Variants in HTR4 observed in about 807,000 individuals in gnomAD.
HTR4 encodes 5-hydroxytryptamine (serotonin) receptor 4, G protein-coupled.
HTR4 carries 16 observed loss-of-function variants against 36.8 expected under a neutral mutation model. That is an observed-to-expected ratio of 0.43 (90% confidence interval 0.29 to 0.66). The LOEUF is 0.66. Among genes scored for constraint, HTR4 ranks in the 30% least tolerant of loss-of-function variants. HTR4 has a pLI of 0.13. For synonymous variants in HTR4, 189 were observed against 185.1 expected (o/e 1.02, Z -0.17); for missense variants, 438 against 490.9 (o/e 0.89, Z 1.02).
At chr5:148,540,238 A>G (rs1438204054) in intron 4 of HTR4, among the ~76,000 whole-genome samples, 1 of 151,308 alleles carries the variant, frequency 6.6e-6, no homozygotes, top group Non-Finnish European at 1.5e-5. Context: ...GGCTGGGAGG[A>G]GGGAGAGGAG....
chr5:148,530,521 A>G (rs1758510485), intron 4 of HTR4, among the ~76,000 whole-genome samples: 1 of 152,230 alleles, frequency 6.6e-6, no homozygotes, highest in African/African-American at 2.4e-5. Context: ...CTCCACCTAG[A>G]TTACAGAGGA....
At chr5:148,573,364 A>T (rs1581494073) in intron 2 of HTR4, among the ~76,000 whole-genome samples, 1 of 151,940 alleles carries the variant, frequency 6.6e-6, no homozygotes, top group Non-Finnish European at 1.5e-5. Context: ...TTTATTTTTC[A>T]CTCACTGTAC....
chr5:148,485,333 C>G (rs1056764663), intron 6 of HTR4, among the ~76,000 whole-genome samples: 10 of 152,308 alleles, frequency 6.6e-5, no homozygotes, highest in Admixed American at 6.5e-4. Context: ...TCAGACCTTA[C>G]ATTTAAGTCA....
At chr5:148,617,925 T>C (rs372364420) in intron 2 of HTR4, among the ~76,000 whole-genome samples, 3 of 152,136 alleles carry the variant, frequency 2.0e-5, no homozygotes, top group Non-Finnish European at 4.4e-5. Flanking sequence ...GAATGCATAG[T>C]GGAAGTCACA....
At chr5:148,540,262 T>G (rs768813822) in intron 4 of HTR4, among the ~76,000 whole-genome samples, 6 of 151,168 alleles carry the variant, frequency 4.0e-5, no homozygotes, top group Admixed American at 6.6e-5. Context: ...AAAATCATAT[T>G]AGGTACTGGG....
intron 4 of HTR4, among the ~76,000 whole-genome samples, chr5:148,538,131 A>G (rs1758922463): frequency 6.6e-6 from 1 of 152,150 alleles, no homozygotes; most frequent in African/African-American, 2.4e-5. Flanking sequence ...GACAAAAACC[A>G]CATGATAATC....
At chr5:148,563,387 C>T (rs1760301114) in intron 2 of HTR4, among the ~76,000 whole-genome samples, 2 of 152,202 alleles carry the variant, frequency 1.3e-5, no homozygotes, top group African/African-American at 4.8e-5. Context: ...AGAACCTCCC[C>T]TCACTCTCTA....
intron 6 of HTR4, among the ~76,000 whole-genome samples, chr5:148,504,589 G>A (rs1298790644): frequency 1.3e-5 from 2 of 152,012 alleles, no homozygotes; most frequent in Non-Finnish European, 2.9e-5. Flanking sequence ...AAGAACTAGA[G>A]CAGCAAGAGC....
intron 6 of HTR4, among the ~76,000 whole-genome samples, chr5:148,494,628 TAAC>T (rs1380187571): frequency 6.6e-6 from 1 of 152,258 alleles, no homozygotes; most frequent in Non-Finnish European, 1.5e-5. Flanking sequence ...GCGTTGCTGA[TAAC>T]AAGAGTTAGT....
intron 3 of HTR4, 74 bp downstream of exon 3, chr5:148,550,063 A>G (rs1561613337): frequency 2.1e-6 from 3 of 1,455,570 alleles, no homozygotes; most frequent in Non-Finnish European, 2.8e-6. Flanking sequence ...TCTAATAGAA[A>G]TGTTCACACC....
At chr5:148,619,327 G>A (rs1173324184) in intron 2 of HTR4, among the ~76,000 whole-genome samples, 2 of 151,964 alleles carry the variant, frequency 1.3e-5, no homozygotes, top group East Asian at 3.8e-4. Context: ...AATGATGCTT[G>A]CAAGAAAAAA....
At chr5:148,648,138 T>C (rs1421546209) in intron 1 of HTR4, among the ~76,000 whole-genome samples, 1 of 152,170 alleles carries the variant, frequency 6.6e-6, no homozygotes, top group Non-Finnish European at 1.5e-5. Context: ...TTTCAACTTT[T>C]CCCTTAAGTA....
Position 148,579,408 on chromosome 5 carries a change from CA to C in HTR4, c.27-29147del, listed in dbSNP as rs970523976. On this transcript the variant is annotated intron_variant, in intron 2 of 6. Coordinates refer to ENST00000377888, the MANE Select transcript of HTR4 (RefSeq NM_000870.7). The stretch of plus-strand genomic sequence containing the variant: ...TCCCTACGTTAAGAGAGATTAAAAA[CA>C]AAAATTTTAGAGTCAGCCAGACCTG... 1.8e-3 allele frequency among the ~76,000 whole-genome samples: 267 copies of C among 152,130 alleles called. 1 individual carries two copies. Among genetic ancestry groups the C allele is most frequent in the African/African-American group, 6.0e-3 (248 of 41,534 alleles).
intron 1 of HTR4, among the ~76,000 whole-genome samples, chr5:148,650,936 T>C (rs912342218): frequency 6.6e-6 from 1 of 152,160 alleles, no homozygotes; most frequent in Non-Finnish European, 1.5e-5. Flanking sequence ...CAAGATCCCA[T>C]TCATGCAAGG....
At chr5:148,616,247 T>C (rs985252775) in intron 2 of HTR4, among the ~76,000 whole-genome samples, 2 of 152,216 alleles carry the variant, frequency 1.3e-5, no homozygotes, top group African/African-American at 4.8e-5. Flanking sequence ...TTTCTGATGG[T>C]TTATTTTTCC....
chr5:148,556,685 AT>A (rs758425664), intron 2 of HTR4, among the ~76,000 whole-genome samples: 2 of 152,228 alleles, frequency 1.3e-5, no homozygotes, highest in Non-Finnish European at 2.9e-5. Context: ...GAGGATCTTG[AT>A]AAAACGCAGA....
At chr5:148,578,197 G>T (rs1408565613) in intron 2 of HTR4, among the ~76,000 whole-genome samples, 3 of 151,948 alleles carry the variant, frequency 2.0e-5, no homozygotes, top group Non-Finnish European at 2.9e-5. Context: ...ACACAAGGAG[G>T]GGTAAACTGT....
intron 6 of HTR4, among the ~76,000 whole-genome samples, chr5:148,505,368 T>G (rs1409619944): frequency 6.6e-6 from 1 of 152,160 alleles, no homozygotes; most frequent in Non-Finnish European, 1.5e-5. Flanking sequence ...TGATGGGACA[T>G]ATATCAAAAT....
At chr5:148,626,821 A>T (rs151296458) in intron 2 of HTR4, among the ~76,000 whole-genome samples, 16 of 152,280 alleles carry the variant, frequency 1.1e-4, no homozygotes, top group African/African-American at 3.8e-4. Flanking sequence ...CATAGAGCAG[A>T]TATGATTAGA....
Sources: allele counts gnomAD v4.1 joint callset (sites outside exome capture counted in the v4.1 genomes callset), GRCh38; gene constraint gnomAD v4.1.1; transcripts MANE v1.5; gene names NCBI Gene and HGNC (gene_info 2026-07-23, HGNC 2026-07-21).